ANO10: variants seen among roughly 807,000 people sequenced by gnomAD.
ANO10 encodes the protein anoctamin-10.
A neutral mutation model predicts 74.7 loss-of-function variants in ANO10; 77 were observed. The ratio of observed to expected loss-of-function variants is 1.03; its 90% confidence interval spans 0.86 to 1.25. The LOEUF is 1.25. Ranked by LOEUF, ANO10 falls within the 50% of genes most tolerant of loss-of-function variation. The pLI is 0.00. For missense variants in ANO10, 721 were observed against 778.1 expected (o/e 0.93, Z 0.87); for synonymous variants, 279 against 284.9 (o/e 0.98, Z 0.21).
At chr3:43,643,016 T>C (rs2083686248) in intron 1 of ANO10, among the ~76,000 whole-genome samples, 2 of 151,874 alleles carry the variant, frequency 1.3e-5, no homozygotes, top group African/African-American at 4.8e-5. Flanking sequence ...TTTGTAGAGA[T>C]GTATTTTCTT....
chr3:43,564,051 A>ATT (rs113116984), intron 8 of ANO10, among the ~76,000 whole-genome samples: 5 of 148,410 alleles, frequency 3.4e-5, no homozygotes, highest in African/African-American at 1.2e-4. Context: ...ATCATTACAC[A>ATT]TTTTTTTTTT....
At chr3:43,566,247 C>T (rs1478063528) in intron 7 of ANO10, among the ~76,000 whole-genome samples, 3 of 152,136 alleles carry the variant, frequency 2.0e-5, no homozygotes, top group African/African-American at 4.8e-5. Context: ...AAGGCGGCAG[C>T]GAGGCTGGGG....
chr3:43,685,142 G>A (rs556411295), intron 1 of ANO10, among the ~76,000 whole-genome samples: 2 of 152,170 alleles, frequency 1.3e-5, no homozygotes, highest in Non-Finnish European at 2.9e-5. Context: ...TTGGCATAAA[G>A]CCATTTGTAG....
intron 4 of ANO10, among the ~76,000 whole-genome samples, chr3:43,584,597 C>G (rs1210588513): frequency 1.3e-5 from 2 of 152,118 alleles, no homozygotes; most frequent in African/African-American, 2.4e-5. Context: ...CTACGGACCC[C>G]CTTCAGCTAT....
At chr3:43,579,008 T>C (rs1208480982) in intron 5 of ANO10, among the ~76,000 whole-genome samples, 3 of 152,074 alleles carry the variant, frequency 2.0e-5, no homozygotes, top group Non-Finnish European at 2.9e-5. Context: ...AAACATTATA[T>C]AATAGTTGTT....
rs56213626 is a variant in ANO10 at position 43,428,796 on chromosome 3, C to CAAAAAAAAAAAAAAAAAAAAAAAA, written c.1914+3814_1914+3815insTTTTTTTTTTTTTTTTTTTTTTTT. The stretch of plus-strand genomic sequence containing the variant: ...CCAAAATCCTGAAACTTTGTGAATG[C>CAAAAAAAAAAAAAAAAAAAAAAAA]AAAAAAAAAAAAAAAAAAAAAAGTC... On this transcript the variant is annotated intron_variant, in intron 12 of 12. Coordinates refer to ENST00000292246, the MANE Select transcript of ANO10 (RefSeq NM_018075.5). Among the ~76,000 whole-genome samples the CAAAAAAAAAAAAAAAAAAAAAAAA allele has an allele frequency of 5.4e-5, 3 of 55,424 alleles. 1 individual carries two copies. The highest frequency in any genetic ancestry group is 6.0e-4 in the Admixed American group (2 of 3,318). The allele number at this position is 55,424 out of a possible 152,430, so 36.4% of individuals were successfully genotyped here. A position where few individuals can be genotyped will look rare whatever the true frequency, so the allele number is the denominator to read the frequency against.
intron 9 of ANO10, among the ~76,000 whole-genome samples, chr3:43,557,579 C>CA (rs950335169): frequency 4.0e-5 from 6 of 151,274 alleles, no homozygotes; most frequent in African/African-American, 1.5e-4. Context: ...ACTAAAAATA[C>CA]AAAAAATTAG....
chr3:43,511,484 A>G lies in ANO10; in HGVS notation c.1797+38236T>C, dbSNP rs367894190. ...CCATCCCTATCTCTGACTGAAAATA[A>G]TCTTTTATAAAATAAACTTAAGCAT... On this transcript the variant is annotated intron_variant, in intron 11 of 12. Coordinates refer to ENST00000292246, the MANE Select transcript of ANO10 (RefSeq NM_018075.5). 8.5e-5 allele frequency among the ~76,000 whole-genome samples: 13 copies of G among 152,306 alleles called. 1 individual carries two copies. The highest frequency in any genetic ancestry group is 7.7e-4 in the East Asian group (4 of 5,180).
In ANO10 at chr3:43,505,596, G is replaced by A. The variant is rs141201047; in HGVS notation, c.1797+44124C>T. ...GAATGATATAACACATTTTCTTCAC[G>A]TGCTCTTTCCAGTAAGTCATCTTTC... is the stretch of plus-strand genomic sequence containing the variant. On this transcript the variant is annotated intron_variant, in intron 11 of 12. Transcript: ENST00000292246. Among the ~76,000 whole-genome samples, 373 of 152,274 alleles carry A rather than the reference G, an allele frequency of 2.4e-3. 1 individual carries two copies. Among genetic ancestry groups the A allele is most frequent in the African/African-American group, 8.6e-3 (358 of 41,556 alleles).
Position 43,539,622 on chromosome 3 carries a change from G to C in ANO10, c.1797+10098C>G, listed in dbSNP as rs573353082. 4.6e-5 allele frequency among the ~76,000 whole-genome samples: 7 copies of C among 152,328 alleles called. No individual in the cohort carries two copies. The East Asian group carries it at 1.4e-3, about 29-fold the overall frequency. The stretch of plus-strand genomic sequence containing the variant: ...GTCTTGAAAGCATGAAATGAGAAGA[G>C]ACAAGAGCAACAGTCCTCAAAGATG... On this transcript the variant is annotated intron_variant, in intron 11 of 12. Transcript: ENST00000292246.
chr3:43,543,132 C>A (rs2079028311), intron 11 of ANO10, among the ~76,000 whole-genome samples: 1 of 152,026 alleles, frequency 6.6e-6, no homozygotes, highest in Non-Finnish European at 1.5e-5. Flanking sequence ...CTCTTCTCTC[C>A]CTCTGTTTCT....
At chr3:43,636,734 G>A (rs375816263) in intron 1 of ANO10, among the ~76,000 whole-genome samples, 27 of 152,110 alleles carry the variant, frequency 1.8e-4, no homozygotes, top group African/African-American at 1.4e-4. Context: ...TTTAATAGAC[G>A]TTCTTTGTTA....
chr3:43,567,915 C>G (rs551598886), intron 7 of ANO10, among the ~76,000 whole-genome samples: 167 of 152,260 alleles, frequency 1.1e-3, no homozygotes, highest in Middle Eastern at 6.8e-3. Context: ...CAAGACCCAT[C>G]AGTGTGCTGT....
In ANO10 at chr3:43,669,499, G is replaced by A. The variant is rs1465424498; in HGVS notation, c.-12+22018C>T. On this transcript the variant is annotated intron_variant, in intron 1 of 3. Transcript: ENST00000413397. ...TACTCTGATTCCTGCAGAGGTTTCT[G>A]CTCCTAGGTTTCTGGTCTGGTTAAG... 1.3e-5 allele frequency among the ~76,000 whole-genome samples: 2 copies of A among 152,082 alleles called. 1 individual carries two copies. Among genetic ancestry groups the A allele is most frequent in the African/African-American group, 4.8e-5 (2 of 41,386 alleles).
intron 4 of ANO10, among the ~76,000 whole-genome samples, chr3:43,587,033 A>G (rs2081510560): frequency 6.6e-6 from 1 of 152,210 alleles, no homozygotes; most frequent in Non-Finnish European, 1.5e-5. Flanking sequence ...CTCTTCAAAG[A>G]TAACTGAAGA....
At chr3:43,535,975 T>C (rs1169778496) in intron 11 of ANO10, among the ~76,000 whole-genome samples, 2 of 152,194 alleles carry the variant, frequency 1.3e-5, no homozygotes, top group Admixed American at 6.5e-5. Context: ...ATAAGATAAG[T>C]ACTGACAAAT....
intron 12 of ANO10, among the ~76,000 whole-genome samples, chr3:43,385,745 A>G (rs77980770): frequency 0.014 from 1,846 of 129,328 alleles, 36 homozygotes; most frequent in African/African-American, 0.049. Context: ...CTTTGGGGAC[A>G]TGGGGGAAAG....
intron 1 of ANO10, among the ~76,000 whole-genome samples, chr3:43,658,314 G>A (rs976009355): frequency 6.6e-5 from 10 of 151,976 alleles, no homozygotes; most frequent in Non-Finnish European, 7.4e-5. Context: ...GCAAATCATC[G>A]AAGAATAAGC....
chr3:43,511,284 T>A (rs1202814238), intron 11 of ANO10, among the ~76,000 whole-genome samples: 1 of 152,222 alleles, frequency 6.6e-6, no homozygotes, highest in Admixed American at 6.5e-5. Flanking sequence ...TAGATTTTTT[T>A]AAAATTCACA....
Sources: allele counts gnomAD v4.1 joint callset (sites outside exome capture counted in the v4.1 genomes callset), GRCh38; gene constraint gnomAD v4.1.1; transcripts MANE v1.5; gene names NCBI Gene and HGNC (gene_info 2026-07-23, HGNC 2026-07-21).